Variants in CACNB2 observed in about 807,000 individuals in gnomAD.
CACNB2 encodes calcium voltage-gated channel auxiliary subunit beta 2, also known as voltage-dependent L-type calcium channel subunit beta-2.
In CACNB2, 42 loss-of-function variants were observed where a neutral mutation model predicts 73.3. That is an observed-to-expected ratio of 0.57 (90% confidence interval 0.45 to 0.74). The LOEUF is 0.74. Ranked by LOEUF, CACNB2 falls within the 30% of genes least tolerant of loss-of-function variation. The probability of loss-of-function intolerance (pLI) is 0.00; values close to 1 mark genes in which losing one functional copy is unlikely to be tolerated. For synonymous variants in CACNB2, 348 were observed against 310.3 expected (o/e 1.12, Z -1.28); for missense variants, 940 against 853.0 (o/e 1.10, Z -1.27).
intron 2 of CACNB2, among the ~76,000 whole-genome samples, chr10:18,379,091 C>G (rs1012130527): frequency 6.6e-6 from 1 of 152,218 alleles, no homozygotes; most frequent in African/African-American, 2.4e-5. Context: ...TTGAGGCTTA[C>G]TCTTGAGTTC....
At chr10:18,422,740 C>G (rs1204354990) in intron 3 of CACNB2, among the ~76,000 whole-genome samples, 1 of 152,144 alleles carries the variant, frequency 6.6e-6, no homozygotes, top group Non-Finnish European at 1.5e-5. Context: ...GTCACCCAGG[C>G]TGTAGTATGA....
At position 18,500,839 on chromosome 10, in the gene CACNB2, C is replaced by T. The variant is rs1257625518; in HGVS notation, c.484C>T (p.Arg162Ter). 4 of 1,613,678 alleles carry T rather than the reference C, an allele frequency of 2.5e-6. No homozygotes were observed. The highest frequency in any genetic ancestry group is 2.5e-6 in the Non-Finnish European group (3 of 1,179,786). Reference protein sequence around the residue: ...EKFNNDWWIGRLVKEGCEIGF... With the variant: ...EKFNNDWWIG Reference sequence around the variant, plus strand: ...ATTTAACAATGACTGGTGGATAGGGCGATTGGTAAAAGAAGGCTGTGAAAT... The same window carrying T: ...ATTTAACAATGACTGGTGGATAGGGTGATTGGTAAAAGAAGGCTGTGAAAT... Residue 162 changes from arginine to a stop codon, truncating the protein, a stop_gained, in exon 5 of 14, where the codon CGA (arginine) becomes TGA (stop). Transcript: ENST00000324631. LOFTEE classifies it high-confidence loss of function.
chr10:18,217,750 G>T (rs915208768), intron 2 of CACNB2, among the ~76,000 whole-genome samples: 7 of 151,630 alleles, frequency 4.6e-5, no homozygotes, highest in African/African-American at 1.7e-4. Flanking sequence ...CCATGTGACT[G>T]GTGTGTTCAG....
At chr10:18,519,066 G>A in intron 9 of CACNB2, 98 bp downstream of exon 9, 1 of 946,510 alleles carries the variant, frequency 1.1e-6, no homozygotes, top group Admixed American at 1.7e-5. Context: ...ATGGCCCTCT[G>A]ATGTCTATAT....
At chr10:18,444,372 G>C (rs1050998784) in intron 3 of CACNB2, among the ~76,000 whole-genome samples, 1 of 152,158 alleles carries the variant, frequency 6.6e-6, no homozygotes, top group African/African-American at 2.4e-5. Context: ...TTATTTCACT[G>C]TGTGTCCTTC....
At chr10:18,364,520 G>A (rs558202965) in intron 2 of CACNB2, among the ~76,000 whole-genome samples, 3 of 151,840 alleles carry the variant, frequency 2.0e-5, no homozygotes, top group Non-Finnish European at 2.9e-5. Flanking sequence ...GGCTGGTCTC[G>A]AACTCCTGAC....
chr10:18,403,654 TC>T (rs2044126753), intron 3 of CACNB2, among the ~76,000 whole-genome samples: 1 of 152,208 alleles, frequency 6.6e-6, no homozygotes. Flanking sequence ...TTTTAAAGTA[TC>T]TTTTAACCAA....
intron 1 of CACNB2, among the ~76,000 whole-genome samples, chr10:18,150,221 C>A (rs550572639): frequency 6.6e-6 from 1 of 152,256 alleles, no homozygotes; most frequent in East Asian, 1.9e-4. Context: ...ATCCTATTAT[C>A]GAAACAAATC....
chr10:18,346,975 C>T (rs1278922027), intron 2 of CACNB2, among the ~76,000 whole-genome samples: 1 of 152,056 alleles, frequency 6.6e-6, no homozygotes, highest in Non-Finnish European at 1.5e-5. Context: ...ATTGTGCTGC[C>T]AACACACAAA....
At chr10:18,274,129 C>T (rs1204036814) in intron 2 of CACNB2, among the ~76,000 whole-genome samples, 1 of 152,132 alleles carries the variant, frequency 6.6e-6, no homozygotes, top group Non-Finnish European at 1.5e-5. Context: ...CAATGGACTA[C>T]ATTGTGAAGC....
At chr10:18,166,853 C>G (rs565199343) in intron 2 of CACNB2, among the ~76,000 whole-genome samples, 1 of 152,212 alleles carries the variant, frequency 6.6e-6, no homozygotes, top group South Asian at 2.1e-4. Flanking sequence ...ATGTAACAAT[C>G]CTGCACGTTG....
intron 2 of CACNB2, among the ~76,000 whole-genome samples, chr10:18,285,266 AT>A (rs2038737304): frequency 6.6e-6 from 1 of 152,224 alleles, no homozygotes; most frequent in African/African-American, 2.4e-5. Context: ...AAGTTATGCC[AT>A]GTGACTTTCA....
chr10:18,305,051 T>C (rs2039675103), intron 2 of CACNB2, among the ~76,000 whole-genome samples: 1 of 152,254 alleles, frequency 6.6e-6, no homozygotes, highest in African/African-American at 2.4e-5. Flanking sequence ...GAAGAATGAA[T>C]GAAAATGATT....
chr10:18,511,202 A>T (rs2050759297), intron 6 of CACNB2, among the ~76,000 whole-genome samples: 1 of 152,192 alleles, frequency 6.6e-6, no homozygotes, highest in East Asian at 1.9e-4. Context: ...CTACGTAATT[A>T]GGACTGAATT....
chr10:18,520,053 CTCTATGA>C, intron 9 of CACNB2: 1 of 233,694 alleles, frequency 4.3e-6, no homozygotes, highest in South Asian at 5.6e-5. Context: ...CAGGGCTAAG[CTCTATGA>C]TGTCTTTTAC....
intron 3 of CACNB2, among the ~76,000 whole-genome samples, chr10:18,477,829 T>A (rs1379737717): frequency 2.0e-5 from 3 of 152,230 alleles, no homozygotes; most frequent in Non-Finnish European, 4.4e-5. Context: ...AACCTTTTAG[T>A]TGTAGTTGTC....
intron 2 of CACNB2, among the ~76,000 whole-genome samples, chr10:18,371,435 C>T (rs1013895470): frequency 6.6e-6 from 1 of 152,098 alleles, no homozygotes; most frequent in African/African-American, 2.4e-5. Flanking sequence ...TCAATTCCCA[C>T]CTATGAGTGA....
chr10:18,353,717 G>T (rs1007094253), intron 2 of CACNB2, among the ~76,000 whole-genome samples: 1 of 152,148 alleles, frequency 6.6e-6, no homozygotes, highest in African/African-American at 2.4e-5. Flanking sequence ...TCCAATTTGA[G>T]AGTATAAATT....
intron 2 of CACNB2, among the ~76,000 whole-genome samples, chr10:18,330,817 C>T (rs113261455): frequency 0.077 from 11,611 of 151,598 alleles, 617 homozygotes; most frequent in Non-Finnish European, 0.12. Flanking sequence ...TACAGGCCCC[C>T]GCCACCACGC....
Sources: gnomAD v4.1 joint callset for allele counts (sites outside exome capture counted in the v4.1 genomes callset) on GRCh38, gnomAD v4.1.1 for gene constraint, MANE v1.5 for transcripts, NCBI Gene and HGNC (gene_info 2026-07-23, HGNC 2026-07-21) for gene names.